The following CCDC14 variants were observed in gnomAD, a reference collection of about 807,000 sequenced individuals.
CCDC14 encodes coiled-coil domain containing 14.
In CCDC14, 71 loss-of-function variants were observed where a neutral mutation model predicts 81.4. The ratio of observed to expected loss-of-function variants is 0.87; its 90% CI spans 0.72 to 1.06. The LOEUF (loss-of-function observed/expected upper bound fraction) is 1.06. Ranked by LOEUF, CCDC14 falls within the 50% of genes least tolerant of loss-of-function variation. The pLI is 0.00. For synonymous variants in CCDC14, 332 were observed against 364.8 expected (o/e 0.91, Z 1.03); for missense variants, 1,046 against 1,047.3 (o/e 1.00, Z 0.02).
intron 12 of CCDC14, among the ~76,000 whole-genome samples, chr3:123,921,925 G>A (rs2035071031): frequency 6.6e-6 from 1 of 152,288 alleles, no homozygotes; most frequent in African/African-American, 2.4e-5. Flanking sequence ...CAGCAACAGA[G>A]TACACATTCT....
the CCDC14 span, among the ~76,000 whole-genome samples, chr3:123,888,097 C>A: frequency 1.3e-5 from 2 of 151,564 alleles, no homozygotes; most frequent in African/African-American, 4.8e-5. Flanking sequence ...ACGTTTAATT[C>A]TTCTGTGAGT....
At chr3:123,930,909 C>T (rs2035662817) in intron 12 of CCDC14, 193 bp downstream of exon 12, 2 of 534,978 alleles carry the variant, frequency 3.7e-6, no homozygotes, top group South Asian at 6.9e-5. Flanking sequence ...TTTAAAAAAA[C>T]ATTTCGCCAG....
intron 9 of CCDC14, among the ~76,000 whole-genome samples, chr3:123,940,354 T>C (rs925522579): frequency 1.3e-5 from 2 of 152,018 alleles, no homozygotes; most frequent in African/African-American, 2.4e-5. Context: ...GCACTTTGTC[T>C]CAATCTCAGT....
intron 9 of CCDC14, among the ~76,000 whole-genome samples, chr3:123,936,697 G>A (rs2036075255): frequency 6.6e-6 from 1 of 152,146 alleles, no homozygotes; most frequent in African/African-American, 2.4e-5. Context: ...GGAGGGAGGG[G>A]AAGGTGGTAG....
At chr3:123,916,502 G>GTGTGTGTGT (rs1553710997) in intron 12 of CCDC14, among the ~76,000 whole-genome samples, 1 of 149,556 alleles carries the variant, frequency 6.7e-6, no homozygotes, top group African/African-American at 2.5e-5. Context: ...GTGTGTGTGT[G>GTGTGTGTGT]GCACAATACT....
Position 123,961,169 on chromosome 3 carries a change from A to G in CCDC14, c.5T>C (p.Val2Ala). Residue 2 changes from valine (V) to alanine (A), a missense_variant, in exon 1 of 13, where the codon GTC becomes GCC. Val to Ala is a moderately conservative substitution (Grantham distance 64). Coordinates refer to ENST00000409697, the MANE Select transcript of CCDC14 (RefSeq NM_001366335.1). M[V>A]RSGARPGQVL... ...CTGGCCCGGTCGAGCTCCAGACCTG[A>G]CCATCTCTCGCCGCCTCAGAGAAGC... 2.6e-6 allele frequency: 4 copies of G among 1,551,524 alleles called. No homozygotes were observed. The highest frequency in any genetic ancestry group is 3.5e-6 in the Non-Finnish European group (4 of 1,146,978).
chr3:123,943,782 C>T (rs1241260707), intron 9 of CCDC14, among the ~76,000 whole-genome samples: 3 of 152,178 alleles, frequency 2.0e-5, no homozygotes, highest in Non-Finnish European at 4.4e-5. Context: ...ACACATGGAG[C>T]TTTCTAGAGG....
intron 8 of CCDC14, among the ~76,000 whole-genome samples, chr3:123,946,396 T>C (rs954946829): frequency 1.3e-5 from 2 of 152,152 alleles, no homozygotes; most frequent in African/African-American, 4.8e-5. Context: ...AATCTAACAG[T>C]TGGCTATTAA....
intron 2 of CCDC14, 98 bp from the exon 3 acceptor site, chr3:123,956,525 A>G: frequency 2.3e-6 from 2 of 875,492 alleles, no homozygotes; most frequent in Admixed American, 5.5e-5. Flanking sequence ...AAGCTTGTCC[A>G]ACCATGTACA....
intron 9 of CCDC14, among the ~76,000 whole-genome samples, chr3:123,944,563 A>G (rs980769516): frequency 1.3e-5 from 2 of 152,192 alleles, no homozygotes; most frequent in Non-Finnish European, 2.9e-5. Flanking sequence ...TTTCTGCAGC[A>G]TAACTTAGAC....
intron 12 of CCDC14, among the ~76,000 whole-genome samples, chr3:123,917,000 C>T (rs1559764859): frequency 6.6e-6 from 1 of 151,790 alleles, no homozygotes; most frequent in Non-Finnish European, 1.5e-5. Flanking sequence ...CTCCACCACG[C>T]AGGGCTAATT....
Position 123,917,382 on chromosome 3 carries a change from C to T in CCDC14, c.1779-1664G>A, listed in dbSNP as rs77177538. On this transcript the variant is annotated intron_variant, in intron 12 of 12. Coordinates refer to ENST00000409697, the MANE Select transcript of CCDC14 (RefSeq NM_001366335.1). ...TGGTGATGTGCGCCTGTGATCCCAG[C>T]TGCTCGGCAGGCTGAGGCATGAGAA... 5.5e-3 allele frequency among the ~76,000 whole-genome samples: 840 copies of T among 151,574 alleles called. 4 individuals carry two copies. Among genetic ancestry groups the T allele is most frequent in the African/African-American group, 0.018 (727 of 41,440 alleles).
chr3:123,915,752 T>G (rs1215997241), intron 12 of CCDC14, 34 bp from the exon 13 acceptor site: 1 of 1,451,004 alleles, frequency 6.9e-7, no homozygotes, highest in Non-Finnish European at 9.3e-7. Context: ...TAATTATTAT[T>G]TTTTACCTGT....
chr3:123,926,001 T>G (rs1424590881), intron 12 of CCDC14, among the ~76,000 whole-genome samples: 1 of 152,002 alleles, frequency 6.6e-6, no homozygotes, highest in African/African-American at 2.4e-5. Flanking sequence ...GAAGGAATGC[T>G]GTAACGAATA....
downstream of CCDC14, among the ~76,000 whole-genome samples, chr3:123,911,034 G>C (rs762616734): frequency 3.3e-5 from 5 of 152,202 alleles, no homozygotes; most frequent in Non-Finnish European, 7.3e-5. Context: ...AAATTTGTCA[G>C]GAGGAGCTTG....
Position 123,934,697 on chromosome 3 carries a change from T to C in CCDC14, c.1344-942A>G, listed in dbSNP as rs180697008. On this transcript the variant is annotated intron_variant, in intron 9 of 12. Coordinates refer to ENST00000409697, the MANE Select transcript of CCDC14 (RefSeq NM_001366335.1). The stretch of plus-strand genomic sequence containing the variant: ...AAGTGTTTTCTTTACTTCTAAGAAG[T>C]TATCGCTTATGGGGACAAAAGTTAC... Among the ~76,000 whole-genome samples the C allele has an allele frequency of 7.9e-5, 12 of 152,298 alleles. No homozygotes were observed. The East Asian group carries it at 2.3e-3, about 29-fold the overall frequency.
intron 5 of CCDC14, among the ~76,000 whole-genome samples, chr3:123,950,967 A>G (rs2036982999): frequency 6.6e-6 from 1 of 152,178 alleles, no homozygotes; most frequent in Non-Finnish European, 1.5e-5. Context: ...TTAAAGAAAA[A>G]GACAATATTT....
chr3:123,905,983 C>A (rs1458885957), intron 5 of CCDC14, among the ~76,000 whole-genome samples: 1 of 152,138 alleles, frequency 6.6e-6, no homozygotes, highest in Non-Finnish European at 1.5e-5. Context: ...AAGAACTCAA[C>A]ACATGAATTT....
At chr3:123,903,836 A>C (rs2148761451) in intron 5 of CCDC14, among the ~76,000 whole-genome samples, 1 of 152,108 alleles carries the variant, frequency 6.6e-6, no homozygotes, top group South Asian at 2.1e-4. Flanking sequence ...CCTGATCCTC[A>C]AGTTGCAGCT....
Sources: allele counts gnomAD v4.1 joint callset (sites outside exome capture counted in the v4.1 genomes callset), GRCh38; gene constraint gnomAD v4.1.1; transcripts MANE v1.5; gene names NCBI Gene and HGNC (gene_info 2026-07-23, HGNC 2026-07-21).